PAG1: variants seen among roughly 807,000 people sequenced by gnomAD.
PAG1 encodes phosphoprotein associated with glycosphingolipid-enriched microdomains 1.
A neutral mutation model predicts 31.7 loss-of-function variants in PAG1; 23 were observed. That is an observed-to-expected ratio of 0.73 (90% CI 0.52 to 1.03). The LOEUF is 1.03. Ranked by LOEUF, PAG1 falls within the 50% of genes least tolerant of loss-of-function variation. The pLI is 0.00. For synonymous variants in PAG1, 214 were observed against 210.3 expected (o/e 1.02, Z -0.15); for missense variants, 473 against 540.7 (o/e 0.87, Z 1.24).
intron 1 of PAG1, among the ~76,000 whole-genome samples, chr8:81,071,067 C>T (rs545935285): frequency 4.5e-5 from 6 of 132,412 alleles, no homozygotes; most frequent in Non-Finnish European, 7.6e-5. Flanking sequence ...TATTTCTTTT[C>T]TTTTTTGGTA....
At chr8:81,036,919 G>C (rs986664949) in intron 2 of PAG1, 12 of 152,132 alleles carry the variant, frequency 7.9e-5, no homozygotes, top group African/African-American at 2.9e-4. Context: ...TGTATGCAAA[G>C]CAGCAGTCCA....
chr8:80,984,710 AG>A (rs1807377038), intron 7 of PAG1, 65 bp downstream of exon 7: 1 of 1,459,446 alleles, frequency 6.9e-7, no homozygotes, highest in Admixed American at 2.0e-5. Flanking sequence ...GAACAACTCC[AG>A]GGCCAGCTAG....
At chr8:81,004,400 T>C (rs569089038) in intron 3 of PAG1, among the ~76,000 whole-genome samples, 1 of 152,312 alleles carries the variant, frequency 6.6e-6, no homozygotes, top group East Asian at 1.9e-4. Context: ...TCTTGACCAA[T>C]ACCTCGCATG....
chr8:81,069,858 C>T (rs543596612), intron 2 of PAG1, among the ~76,000 whole-genome samples: 1 of 152,330 alleles, frequency 6.6e-6, no homozygotes, highest in African/African-American at 2.4e-5. Context: ...TACCACCAAT[C>T]AAAGGGAAAC....
chr8:81,098,035 TAA>T (rs1188250977), intron 1 of PAG1, among the ~76,000 whole-genome samples: 1 of 152,248 alleles, frequency 6.6e-6, no homozygotes, highest in African/African-American at 2.4e-5. Flanking sequence ...AATATTGCTA[TAA>T]GAGTATGCAT....
chr8:80,985,508 G>T, intron 6 of PAG1, 131 bp from the exon 7 acceptor site: 1 of 869,364 alleles, frequency 1.2e-6, no homozygotes, highest in South Asian at 1.8e-5. Flanking sequence ...ACAAATTATA[G>T]TTGTTATGAC....
In PAG1 at chr8:81,080,684, G is replaced by A. The variant is rs76262991; in HGVS notation, c.-233-10514C>T. ...TTTTTCCTGAGAAGCTAGAAGCCTG[G>A]ATTTTTACATATCTCACAATGTTTA... On this transcript the variant is annotated intron_variant, in intron 1 of 8. Transcript: ENST00000220597. Among the ~76,000 whole-genome samples, 1,426 of 152,234 alleles carry A rather than the reference G, an allele frequency of 9.4e-3. 14 individuals are homozygous for A. The highest frequency in any genetic ancestry group is 0.024 in the Middle Eastern group (7 of 294).
intron 3 of PAG1, among the ~76,000 whole-genome samples, chr8:80,997,287 CTTT>C (rs941015269): frequency 1.3e-5 from 2 of 151,916 alleles, no homozygotes; most frequent in Non-Finnish European, 2.9e-5. Context: ...ATTATTTCTT[CTTT>C]TTTTTGAGAC....
Position 80,973,354 on chromosome 8 carries a change from A to G in PAG1, c.*3190T>C, listed in dbSNP as rs370664814. On this transcript the variant is annotated 3_prime_UTR_variant, in exon 9 of 9. Transcript: ENST00000220597. ...AGACAGGATATTGAGACTATTTCAG[A>G]AAGTAGACACACTAAAAACATTTGA... The G allele has an allele frequency of 6.6e-6, 1 of 152,204 alleles. No individual in the cohort carries two copies. Among genetic ancestry groups the G allele is most frequent in the Non-Finnish European group, 1.5e-5 (1 of 68,036 alleles). The allele number at this position is 152,204 out of a possible 1,614,324, so 9.4% of individuals were successfully genotyped here.
intron 8 of PAG1, among the ~76,000 whole-genome samples, chr8:80,979,950 C>G (rs1413272529): frequency 1.3e-5 from 2 of 152,148 alleles, no homozygotes; most frequent in African/African-American, 4.8e-5. Flanking sequence ...GACCCTAGCT[C>G]CTGCCTGGAA....
At chr8:81,097,217 G>T (rs1418134491) in intron 1 of PAG1, among the ~76,000 whole-genome samples, 1 of 152,158 alleles carries the variant, frequency 6.6e-6, no homozygotes, top group Non-Finnish European at 1.5e-5. Context: ...TATAGTAAAC[G>T]TGAAACTTCC....
rs1460191667 is a variant in PAG1 at position 80,973,714 on chromosome 8, A to G, written c.*2830T>C. 1 of 152,352 alleles carries G rather than the reference A, an allele frequency of 6.6e-6. No individual in the cohort carries two copies. The highest frequency in any genetic ancestry group is 2.4e-5 in the African/African-American group (1 of 41,576). 9.4% of individuals were successfully genotyped at this position (152,352 alleles called of 1,614,324 possible). A position where few individuals can be genotyped will look rare whatever the true frequency, so the allele number is the denominator to read the frequency against. On this transcript the variant is annotated 3_prime_UTR_variant, in exon 9 of 9. Coordinates refer to ENST00000220597, the MANE Select transcript of PAG1 (RefSeq NM_018440.4). ...CTCAAGATGAAACTTTTTAAAAGAA[A>G]CCATAGGCTTTTGTCCAACTCAAAG...
rs899885323 is a variant in PAG1, at chr8:80,980,382, G to A, written c.936+53C>T. On this transcript the variant is annotated intron_variant, in intron 8 of 8. Coordinates refer to ENST00000220597, the MANE Select transcript of PAG1 (RefSeq NM_018440.4). The stretch of plus-strand genomic sequence containing the variant: ...ATTACAGTGCATTTATTCAAGGGGG[G>A]AAGGTCTATTCTTTACTACAGTTTT... 9 of 928,458 alleles carry A rather than the reference G, an allele frequency of 9.7e-6. No homozygotes were observed. In the Admixed American group the frequency reaches 1.4e-4, roughly 15 times the overall value. 57.5% of individuals were successfully genotyped at this position (928,458 alleles called of 1,614,324 possible).
At chr8:81,064,225 G>T (rs960853839) in intron 2 of PAG1, among the ~76,000 whole-genome samples, 2 of 152,098 alleles carry the variant, frequency 1.3e-5, no homozygotes, top group African/African-American at 4.8e-5. Context: ...GGATGTTTTC[G>T]GGATGAAACT....
chr8:81,015,801 C>CA (rs1808062455), intron 3 of PAG1, among the ~76,000 whole-genome samples: 1 of 152,166 alleles, frequency 6.6e-6, no homozygotes, highest in Admixed American at 6.5e-5. Flanking sequence ...CCTGTATCCT[C>CA]ACTTCTTGCA....
chr8:80,982,233 T>C (rs999696209), intron 7 of PAG1, among the ~76,000 whole-genome samples: 3 of 152,108 alleles, frequency 2.0e-5, no homozygotes, highest in African/African-American at 7.2e-5. Context: ...AATTTTTCTC[T>C]TCCTATTCTC....
chr8:80,997,506 C>T (rs1381380317), intron 3 of PAG1, among the ~76,000 whole-genome samples: 4 of 152,172 alleles, frequency 2.6e-5, no homozygotes, highest in Non-Finnish European at 4.4e-5. Flanking sequence ...CCTCCCACCT[C>T]GGCCTCCCAA....
At position 80,987,374 on chromosome 8, in the gene PAG1, C is replaced by T; in HGVS notation, c.270G>A (p.Gly90=). The T allele has an allele frequency of 2.5e-6, 4 of 1,605,246 alleles. No homozygotes were observed. Among genetic ancestry groups the T allele is most frequent in the Non-Finnish European group, 3.4e-6 (4 of 1,171,992 alleles). The change falls in exon 6 of 9, where the codon GGG becomes GGA. Residue 90 remains glycine (G), a synonymous_variant. Coordinates refer to ENST00000220597, the MANE Select transcript of PAG1 (RefSeq NM_018440.4). ...TGGTGTTTTTGCAGAACTTACTGTC[C>T]CCATTGGTGAGTGCCCCATTCTGCT... The part of the protein sequence containing the change: ...SSEQNGALTN[G]DILSEDSTLT...
chr8:81,069,780 G>C lies in PAG1; in HGVS notation c.-175+332C>G, dbSNP rs191418690. Reference sequence around the variant, plus strand: ...TCCCTGTCTCAAAGATGAGGAAAGAGATTGAGACAGAGTAGGCATTTAGCC... The same window carrying C: ...TCCCTGTCTCAAAGATGAGGAAAGACATTGAGACAGAGTAGGCATTTAGCC... On this transcript the variant is annotated intron_variant, in intron 2 of 8. Transcript: ENST00000220597. Among the ~76,000 whole-genome samples, 63 of 152,344 alleles carry C rather than the reference G, an allele frequency of 4.1e-4. 1 individual carries two copies. The highest frequency in any genetic ancestry group is 3.5e-3 in the East Asian group (18 of 5,184).
Sources: gnomAD v4.1 joint callset for allele counts (sites outside exome capture counted in the v4.1 genomes callset) on GRCh38, gnomAD v4.1.1 for gene constraint, MANE v1.5 for transcripts, NCBI Gene and HGNC (gene_info 2026-07-23, HGNC 2026-07-21) for gene names.